Variants in TICRR observed in about 807,000 individuals in gnomAD.
TICRR encodes treslin.
Under a neutral mutation model 178.1 loss-of-function variants are expected in TICRR, and 132 were observed. The ratio of observed to expected loss-of-function variants is 0.74; its 90% CI spans 0.64 to 0.86. TICRR has a LOEUF of 0.86. TICRR is among the 40% of genes least tolerant of loss of function. The probability of loss-of-function intolerance (pLI) is 0.00; values close to 1 mark genes in which losing one functional copy is unlikely to be tolerated. For synonymous variants in TICRR, 991 were observed against 900.7 expected (o/e 1.10, Z -1.79); for missense variants, 2,587 against 2,334.3 (o/e 1.11, Z -2.23).
chr15:89,620,546 G>C (rs190944732), intron 18 of TICRR, among the ~76,000 whole-genome samples: 1 of 152,214 alleles, frequency 6.6e-6, no homozygotes, highest in African/African-American at 2.4e-5. Flanking sequence ...AAGTAGTTCA[G>C]TTGTCTACAT....
intron 1 of TICRR, among the ~76,000 whole-genome samples, chr15:89,577,158 C>T (rs1962638015): frequency 6.6e-6 from 1 of 151,954 alleles, no homozygotes; most frequent in Non-Finnish European, 1.5e-5. Context: ...TCCCGAAGTG[C>T]CAGGATTATA....
chr15:89,585,956 CTAG>C lies in TICRR; in HGVS notation c.1411+17_1411+19del. The stretch of plus-strand genomic sequence containing the variant: ...CTGCTTCTGCTGGTAAGCTCCTAAA[CTAG>C]TAACTAACAGAGTCTAGGGTGGTTT... On this transcript the variant is annotated intron_variant, in intron 4 of 21. Transcript: ENST00000268138. 6.2e-7 allele frequency: 1 copy of C among 1,607,980 alleles called. No homozygotes were observed. Among genetic ancestry groups the C allele is most frequent in the Non-Finnish European group, 8.5e-7 (1 of 1,174,564 alleles).
chr15:89,625,631 A>G lies in TICRR; in HGVS notation c.5321A>G (p.Lys1774Arg), dbSNP rs148902946. The G allele has an allele frequency of 5.5e-5, 88 of 1,613,370 alleles. No individual in the cohort carries two copies. The highest frequency in any genetic ancestry group is 2.0e-4 in the African/African-American group (15 of 74,928). The change falls in exon 20 of 22, where the codon AAG (lysine) becomes AGG (arginine). Residue 1774 changes from lysine (K) to arginine (R), a missense_variant. Lys to Arg is a conservative substitution (Grantham distance 26). Transcript: ENST00000268138. ...GGACAGTTTGGGTTGAGTTCCAGGA[A>G]GAGAGTCCTGTTGGCCAAGGAAGAA... ...SWGQFGLSSR[K>R]RVLLAKEEAD... is the part of the protein sequence containing the mutation.
intron 13 of TICRR, among the ~76,000 whole-genome samples, chr15:89,604,744 C>T (rs1963149145): frequency 7.5e-6 from 1 of 134,188 alleles, no homozygotes; most frequent in Non-Finnish European, 1.5e-5. Context: ...GCACTCCAGC[C>T]TGGGTTACAG....
At position 89,575,917 on chromosome 15, in the gene TICRR, T is replaced by C; in HGVS notation, c.331T>C (p.Tyr111His). 1.9e-6 allele frequency: 3 copies of C among 1,593,240 alleles called. No homozygotes were observed. Among genetic ancestry groups the C allele is most frequent in the Admixed American group, 1.7e-5 (1 of 57,418 alleles). ...CGCCCTGATGGAGACGCTGCTAGAC[T>C]ACCAGTGGGACCGGCCCGAGATCAC... ...HGALMETLLDYQWDRPEITSP... is the reference protein window; with the variant it reads ...HGALMETLLDHQWDRPEITSP... The change falls in exon 1 of 22, where the codon TAC (tyrosine) becomes CAC (histidine). Residue 111 changes from tyrosine (Y) to histidine (H), a missense_variant. Physicochemically the swap from Tyr to His is moderately conservative, Grantham distance 83 (BLOSUM62 2). Transcript: ENST00000268138.
rs1490384911 is a variant in TICRR at position 89,575,834 on chromosome 15, G to T, written c.248G>T (p.Arg83Met). Reference sequence around the variant, plus strand: ...GACTTTGAGGAGGAGCTGGAGGCCAGGCTCGAGGATCGCGCCCACCTGCCC... The same window carrying T: ...GACTTTGAGGAGGAGCTGGAGGCCATGCTCGAGGATCGCGCCCACCTGCCC... ...WEDFEEELEARLEDRAHLPGP... is the reference protein window; with the variant it reads ...WEDFEEELEAMLEDRAHLPGP... The change falls in exon 1 of 22, where the codon AGG becomes ATG. Residue 83 changes from arginine to methionine, a missense_variant. Coordinates refer to ENST00000268138, the MANE Select transcript of TICRR (RefSeq NM_152259.4). 6.3e-7 allele frequency: 1 copy of T among 1,593,944 alleles called. No individual in the cohort carries two copies. Among genetic ancestry groups the T allele is most frequent in the South Asian group, 1.1e-5 (1 of 88,820 alleles).
chr15:89,626,925 CT>C, intron 21 of TICRR, 30 bp from the exon 22 acceptor site: 1 of 1,607,912 alleles, frequency 6.2e-7, no homozygotes, highest in Non-Finnish European at 8.5e-7. Context: ...TCTGTGACTC[CT>C]GCATGCTAAG....
rs1314197859 is a variant in TICRR, at chr15:89,627,236, G to A, written c.*150G>A. On this transcript the variant is annotated 3_prime_UTR_variant, in exon 22 of 22. Transcript: ENST00000268138. ...CTTAGGGTTTTCTAATTCCCCTTAT[G>A]GATCCAATCCATCTCCTGGCCCTGC... The A allele has an allele frequency of 4.3e-6, 4 of 926,420 alleles. No homozygotes were observed. In the East Asian group the frequency reaches 1.0e-4, roughly 24 times the overall value. The allele number at this position is 926,420 out of a possible 1,614,324, so 57.4% of individuals were successfully genotyped here.
chr15:89,610,698 T>G lies in TICRR; in HGVS notation c.2869+1749T>G, dbSNP rs866265292. 2.0e-5 allele frequency among the ~76,000 whole-genome samples: 3 copies of G among 152,326 alleles called. No homozygotes were observed. The South Asian group carries it at 6.2e-4, about 32-fold the overall frequency. On this transcript the variant is annotated intron_variant, in intron 15 of 21. Transcript: ENST00000268138. The stretch of plus-strand genomic sequence containing the variant: ...AGTGCTTAATCCACTTCTATGAATG[T>G]AATTACTAATAAGGAACAACTGTCA...
At chr15:89,607,175 G>A (rs1365936266) in intron 14 of TICRR, among the ~76,000 whole-genome samples, 1 of 151,994 alleles carries the variant, frequency 6.6e-6, no homozygotes, top group Admixed American at 6.6e-5. Flanking sequence ...CTTAAATTTA[G>A]GGAAAAAAAT....
intron 8 of TICRR, 145 bp downstream of exon 8, chr15:89,599,620 T>C (rs1450993107): frequency 5.3e-6 from 4 of 761,536 alleles, no homozygotes; most frequent in Non-Finnish European, 8.2e-6. Flanking sequence ...GTAAGTACAG[T>C]TCCAGATCTC....
chr15:89,590,187 AAGG>A (rs949256408), intron 4 of TICRR, among the ~76,000 whole-genome samples: 1 of 152,138 alleles, frequency 6.6e-6, no homozygotes, highest in African/African-American at 2.4e-5. Flanking sequence ...AGGAGAAGAA[AAGG>A]AGAAGAATAC....
intron 7 of TICRR, among the ~76,000 whole-genome samples, chr15:89,596,668 C>G (rs1427629019): frequency 1.3e-5 from 2 of 151,954 alleles, no homozygotes; most frequent in Non-Finnish European, 1.5e-5. Flanking sequence ...TTCAAAGAAC[C>G]GTCTTTTGTT....
At chr15:89,597,150 A>AT (rs1316751769) in intron 7 of TICRR, among the ~76,000 whole-genome samples, 3 of 151,986 alleles carry the variant, frequency 2.0e-5, no homozygotes, top group Non-Finnish European at 4.4e-5. Flanking sequence ...ATTTTTAGTA[A>AT]TTTTTTTCTG....
At chr15:89,622,488 G>A (rs1157609490) in intron 19 of TICRR, among the ~76,000 whole-genome samples, 2 of 152,138 alleles carry the variant, frequency 1.3e-5, no homozygotes, top group South Asian at 2.1e-4. Flanking sequence ...CTCCCCGTCC[G>A]CTAAAGCAAG....
chr15:89,581,496 A>T (rs1383982480), intron 1 of TICRR, among the ~76,000 whole-genome samples: 1 of 152,234 alleles, frequency 6.6e-6, no homozygotes, highest in Non-Finnish European at 1.5e-5. Flanking sequence ...AGAAAGCAGG[A>T]TTTGAGCCAG....
chr15:89,589,091 G>T (rs1169966805), intron 4 of TICRR, among the ~76,000 whole-genome samples: 2 of 152,136 alleles, frequency 1.3e-5, no homozygotes, highest in Admixed American at 6.5e-5. Context: ...ATGAGGGTCA[G>T]TGAGTTCCAG....
At chr15:89,608,697 G>T in intron 14 of TICRR, 106 bp from the exon 15 acceptor site, 1 of 967,030 alleles carries the variant, frequency 1.0e-6, no homozygotes. Context: ...GCAATCTGTA[G>T]TTTCCTCAAG....
intron 13 of TICRR, among the ~76,000 whole-genome samples, chr15:89,604,731 A>G (rs1963149000): frequency 6.8e-6 from 1 of 146,654 alleles, no homozygotes; most frequent in Admixed American, 7.1e-5. Context: ...TGATGAAGCC[A>G]CTGCACTCCA....
Sources: allele counts gnomAD v4.1 joint callset (sites outside exome capture counted in the v4.1 genomes callset), GRCh38; gene constraint gnomAD v4.1.1; transcripts MANE v1.5; gene names NCBI Gene and HGNC (gene_info 2026-07-23, HGNC 2026-07-21).